The following ZNF775 variants were observed in gnomAD, a reference collection of about 807,000 sequenced individuals.
ZNF775 encodes zinc finger protein 775.
Under a neutral mutation model 2.4 loss-of-function variants are expected in ZNF775, and 1 was observed. The ratio of observed to expected loss-of-function variants is 0.41; its 90% CI spans 0.15 to 1.94. The LOEUF is 1.94. Among genes scored for constraint, ZNF775 ranks in the 30% most tolerant of loss-of-function variants. ZNF775 has a pLI of 0.30. For missense variants in ZNF775, 823 were observed against 826.6 expected, an observed-to-expected ratio of 1.00 and a Z score of 0.05; for synonymous variants, 381 against 373.3, an observed-to-expected ratio of 1.02 and a Z score of -0.24.
chr7:150,382,773 C>G lies in ZNF775; in HGVS notation c.-50+3381C>G, dbSNP rs1585083190. 1 of 152,636 alleles carries G rather than the reference C, an allele frequency of 6.6e-6. No homozygotes were observed. Among genetic ancestry groups the G allele is most frequent in the Non-Finnish European group, 1.5e-5 (1 of 68,240 alleles). 9.5% of individuals were successfully genotyped at this position (152,636 alleles called of 1,614,324 possible). A position where few individuals can be genotyped will look rare whatever the true frequency, so the allele number is the denominator to read the frequency against. ...CTCCTGCTGACTTATCCCACCCCAG[C>G]GCAGGTCATCCAACGGTGACTTATG... is the stretch of plus-strand genomic sequence containing the variant. On this transcript the variant is annotated intron_variant, in intron 1 of 2. Transcript: ENST00000329630. The surrounding 1 kb of genome is among the most constrained non-coding windows in gnomAD (Gnocchi z 4.6).
rs891542443 is a variant in ZNF775, at chr7:150,384,284, C to T, written c.-49-4138C>T. 2.0e-5 allele frequency among the ~76,000 whole-genome samples: 3 copies of T among 152,220 alleles called. No homozygotes were observed. The highest frequency in any genetic ancestry group is 7.2e-5 in the African/African-American group (3 of 41,448). On this transcript the variant is annotated intron_variant, in intron 1 of 2. Coordinates refer to ENST00000329630, the MANE Select transcript of ZNF775 (RefSeq NM_173680.4). The surrounding 1 kb of genome is among the most constrained non-coding windows in gnomAD (Gnocchi z 4.1). Reference sequence around the variant, plus strand: ...CGATAGACAAAGCGGCCTTCCAAGACTTGGTGTGGGCACTGGTGGGAGATG... The same window carrying T: ...CGATAGACAAAGCGGCCTTCCAAGATTTGGTGTGGGCACTGGTGGGAGATG...
Position 150,379,489 on chromosome 7 carries a change from C to T in ZNF775, c.-50+97C>T, listed in dbSNP as rs927944131. 3 of 152,254 alleles carry T rather than the reference C, an allele frequency of 2.0e-5. 1 individual carries two copies. Among genetic ancestry groups the T allele is most frequent in the South Asian group, 4.1e-4 (2 of 4,824 alleles). The allele number at this position is 152,254 out of a possible 1,614,324, so 9.4% of individuals were successfully genotyped here. A position where few individuals can be genotyped will look rare whatever the true frequency, so the allele number is the denominator to read the frequency against. On this transcript the variant is annotated intron_variant, in intron 1 of 2. Transcript: ENST00000329630. The stretch of plus-strand genomic sequence containing the variant: ...GACCAGCGCCCGGCCCCGCTCCTCC[C>T]GTGCTGCCTCCGCCCGGCCCGGGCT...
chr7:150,397,503 A>C lies in ZNF775; in HGVS notation c.1022A>C (p.His341Pro), dbSNP rs1467638506. The C allele has an allele frequency of 1.5e-5, 24 of 1,576,016 alleles. No homozygotes were observed. Among genetic ancestry groups the C allele is most frequent in the Non-Finnish European group, 2.1e-5 (24 of 1,168,334 alleles). ...HTGERPHPCP[H>P]CGRGFRQKQH... ...GGCGAGCGCCCGCACCCCTGCCCGC[A>C]CTGTGGCCGCGGCTTCCGCCAGAAG... The change falls in exon 3 of 3, where the codon CAC (histidine) becomes CCC (proline). Residue 341 changes from histidine to proline, a missense_variant. Transcript: ENST00000329630.
In ZNF775 at chr7:150,397,150, C is replaced by T. The variant is rs1219398356; in HGVS notation, c.669C>T (p.Gly223=). ...HARDRQGSRA[G]LHELIQDAAA... Reference sequence around the variant, plus strand: ...GGGACCGCCAGGGCTCCCGCGCCGGCCTGCACGAGCTGATTCAGGACGCGG... The same window carrying T: ...GGGACCGCCAGGGCTCCCGCGCCGGTCTGCACGAGCTGATTCAGGACGCGG... Residue 223 remains glycine, a synonymous_variant, in exon 3 of 3, where the codon GGC becomes GGT. Coordinates refer to ENST00000329630, the MANE Select transcript of ZNF775 (RefSeq NM_173680.4). 1.4e-6 allele frequency: 2 copies of T among 1,468,828 alleles called. No homozygotes were observed. The highest frequency in any genetic ancestry group is 1.8e-6 in the Non-Finnish European group (2 of 1,120,998). The allele number at this position is 1,468,828 out of a possible 1,614,324, so 91.0% of individuals were successfully genotyped here. A position where few individuals can be genotyped will look rare whatever the true frequency, so the allele number is the denominator to read the frequency against.
rs1476544799 is a variant in ZNF775, at chr7:150,384,886, T to G, written c.-49-3536T>G. Among the ~76,000 whole-genome samples the G allele has an allele frequency of 6.6e-6, 1 of 152,168 alleles. No homozygotes were observed. The highest frequency in any genetic ancestry group is 1.9e-4 in the East Asian group (1 of 5,192). On this transcript the variant is annotated intron_variant, in intron 1 of 2. Coordinates refer to ENST00000329630, the MANE Select transcript of ZNF775 (RefSeq NM_173680.4). The surrounding 1 kb of genome is among the most constrained non-coding windows in gnomAD (Gnocchi z 4.1). ...GGAGGCAGGGTGGGTGAAGTAGGAC[T>G]GTCTTTGATTTGCCTTGGGGGTCTC...
rs116920928 is a variant in ZNF775, at chr7:150,393,351, G to A, written c.32-3162G>A. On this transcript the variant is annotated intron_variant, in intron 2 of 2. Transcript: ENST00000329630. ...ATTGTTGACTAATATTCCATCATGC[G>A]GAGTTATCCATTCACCCACTGAAGG... is the stretch of plus-strand genomic sequence containing the variant. 6.5e-3 allele frequency among the ~76,000 whole-genome samples: 988 copies of A among 152,248 alleles called. 5 individuals are homozygous for A. Among genetic ancestry groups the A allele is most frequent in the Non-Finnish European group, 0.01 (697 of 68,028 alleles).
Position 150,379,369 on chromosome 7 carries a change from T to C in ZNF775, c.-73T>C, listed in dbSNP as rs537611915. 1 of 152,262 alleles carries C rather than the reference T, an allele frequency of 6.6e-6. No individual in the cohort carries two copies. Among genetic ancestry groups the C allele is most frequent in the South Asian group, 2.1e-4 (1 of 4,828 alleles). The allele number at this position is 152,262 out of a possible 1,614,324, so 9.4% of individuals were successfully genotyped here. ...GTCGCCCTCGGGGTGGCAGTTCCCG[T>C]TAACCTTAGCCACAAAGTCAAAGGT... is the stretch of plus-strand genomic sequence containing the variant. On this transcript the variant is annotated 5_prime_UTR_variant, in exon 1 of 3. Transcript: ENST00000329630.
intron 1 of ZNF775, among the ~76,000 whole-genome samples, chr7:150,379,672 G>C (rs1156333266): frequency 6.6e-6 from 1 of 152,160 alleles, no homozygotes. Flanking sequence ...AGGTTAGGAG[G>C]GAGGCTAGTG....
Position 150,382,797 on chromosome 7 carries a change from T to C in ZNF775, c.-50+3405T>C, listed in dbSNP as rs1308394083. 1 of 152,424 alleles carries C rather than the reference T, an allele frequency of 6.6e-6. No individual in the cohort carries two copies. The highest frequency in any genetic ancestry group is 1.5e-5 in the Non-Finnish European group (1 of 68,170). The allele number at this position is 152,424 out of a possible 1,614,324, so 9.4% of individuals were successfully genotyped here. A position where few individuals can be genotyped will look rare whatever the true frequency, so the allele number is the denominator to read the frequency against. ...GCGCAGGTCATCCAACGGTGACTTA[T>C]GGCCCCGGCCTCCTGGCTCGATGAG... On this transcript the variant is annotated intron_variant, in intron 1 of 2. Coordinates refer to ENST00000329630, the MANE Select transcript of ZNF775 (RefSeq NM_173680.4). The surrounding 1 kb of genome is among the most constrained non-coding windows in gnomAD (Gnocchi z 4.6).
chr7:150,391,710 T>TC lies in ZNF775; in HGVS notation c.31+3209_31+3210insC, dbSNP rs1563259001. 2.1e-3 allele frequency among the ~76,000 whole-genome samples: 300 copies of TC among 142,392 alleles called. 1 individual carries two copies. The highest frequency in any genetic ancestry group is 7.3e-3 in the African/African-American group (282 of 38,506). The allele number at this position is 142,392 out of a possible 152,430, so 93.4% of individuals were successfully genotyped here. A position where few individuals can be genotyped will look rare whatever the true frequency, so the allele number is the denominator to read the frequency against. On this transcript the variant is annotated intron_variant, in intron 2 of 2. Coordinates refer to ENST00000329630, the MANE Select transcript of ZNF775 (RefSeq NM_173680.4). ...CCATTTCTTTTTCCTTTCTTTCTTT[T>TC]TTTTTTTTTTTTTTTTTGAGATAGA...
At position 150,384,207 on chromosome 7, in the gene ZNF775, G is replaced by A. The variant is rs901761003; in HGVS notation, c.-49-4215G>A. Among the ~76,000 whole-genome samples the A allele has an allele frequency of 5.3e-5, 8 of 152,334 alleles. No individual in the cohort carries two copies. Among genetic ancestry groups the A allele is most frequent in the South Asian group, 4.1e-4 (2 of 4,832 alleles). ...GTGTGTCCTGCTCCCCTCAGAGCCC[G>A]AGGGGCAGCAGAGAGGAAAGGTGGT... On this transcript the variant is annotated intron_variant, in intron 1 of 2. Transcript: ENST00000329630. This position sits in a 1 kb window ranked among gnomAD's most constrained non-coding sequence, Gnocchi z 4.1.
At chr7:150,393,244 T>A (rs1228853556) in intron 2 of ZNF775, among the ~76,000 whole-genome samples, 1 of 152,218 alleles carries the variant, frequency 6.6e-6, no homozygotes, top group Non-Finnish European at 1.5e-5. Context: ...GTGTGTAGCC[T>A]TTTATGTTGA....
chr7:150,395,459 C>G (rs1800631444), intron 2 of ZNF775, among the ~76,000 whole-genome samples: 1 of 152,162 alleles, frequency 6.6e-6, no homozygotes, highest in Non-Finnish European at 1.5e-5. Flanking sequence ...ATCACAAGCT[C>G]TGTAAATTCT....
rs762303555 is a variant in ZNF775, at chr7:150,397,905, C to T, written c.1424C>T (p.Pro475Leu). Residue 475 changes from proline to leucine, a missense_variant, in exon 3 of 3, where the codon CCG becomes CTG. Physicochemically the swap from Pro to Leu is moderately conservative, Grantham distance 98 (BLOSUM62 -3). Transcript: ENST00000329630. Reference sequence around the variant, plus strand: ...ATCCACACGGGTGAGCGGCCCTACCCGTGCCCCGAGTGCGGCCGCCGCTTC... The same window carrying T: ...ATCCACACGGGTGAGCGGCCCTACCTGTGCCCCGAGTGCGGCCGCCGCTTC... ...QRIHTGERPY[P>L]CPECGRRFSQ... The T allele has an allele frequency of 6.2e-6, 10 of 1,602,016 alleles. No homozygotes were observed. The highest frequency in any genetic ancestry group is 5.9e-6 in the Non-Finnish European group (7 of 1,178,424).
At position 150,392,545 on chromosome 7, in the gene ZNF775, A is replaced by ATCTCTCTC. The variant is rs56067146; in HGVS notation, c.32-3934_32-3927dup. 1.7e-3 allele frequency among the ~76,000 whole-genome samples: 228 copies of ATCTCTCTC among 136,634 alleles called. 3 individuals carry two copies. The highest frequency in any genetic ancestry group is 5.6e-3 in the African/African-American group (189 of 33,608). The allele number at this position is 136,634 out of a possible 152,430, so 89.6% of individuals were successfully genotyped here. On this transcript the variant is annotated intron_variant, in intron 2 of 2. Coordinates refer to ENST00000329630, the MANE Select transcript of ZNF775 (RefSeq NM_173680.4). ...TTTATTTTCTTTTTTTCCCAAATGG[A>ATCTCTCTC]TCTCTCTCTCTCTCTCTCTCTCTCT...
rs1800584601 is a variant in ZNF775, at chr7:150,392,897, CT to C, written c.32-3615del. Reference sequence around the variant, plus strand: ...AAATTGTGAAGAAAGTAGAGTTCCCCTATACCTTAGCTCCAGTTTCTCCTAT... The same window carrying C: ...AAATTGTGAAGAAAGTAGAGTTCCCCATACCTTAGCTCCAGTTTCTCCTAT... On this transcript the variant is annotated intron_variant, in intron 2 of 2. Transcript: ENST00000329630. Among the ~76,000 whole-genome samples, 4 of 152,264 alleles carry C rather than the reference CT, an allele frequency of 2.6e-5. 1 individual carries two copies. In the South Asian group the frequency reaches 8.3e-4, roughly 32 times the overall value.
chr7:150,392,573 CTCTCTCT>C (rs1300333521), intron 2 of ZNF775, among the ~76,000 whole-genome samples: 5 of 151,516 alleles, frequency 3.3e-5, no homozygotes, highest in Non-Finnish European at 7.4e-5. Flanking sequence ...CTCTCTCTCT[CTCTCTCT>C]CTCTCTGCAG....
In ZNF775 at chr7:150,397,089, A is replaced by T. The variant is rs1237912756; in HGVS notation, c.608A>T (p.Gln203Leu). 1 of 1,572,952 alleles carries T rather than the reference A, an allele frequency of 6.4e-7. No homozygotes were observed. Among genetic ancestry groups the T allele is most frequent in the Non-Finnish European group, 8.6e-7 (1 of 1,166,854 alleles). The change falls in exon 3 of 3, where the codon CAG becomes CTG. Residue 203 changes from glutamine (Q) to leucine (L), a missense_variant. Physicochemically the swap from Gln to Leu is moderately radical, Grantham distance 113. Coordinates refer to ENST00000329630, the MANE Select transcript of ZNF775 (RefSeq NM_173680.4). ...GAGTGCGAGCGCTGCTTCCGTCACC[A>T]GGTGGGCCTCCGCATCCACCAGCGC... The part of the protein sequence containing the change: ...CPECERCFRH[Q>L]VGLRIHQRAH...
At chr7:150,391,517 T>A (rs1331862282) in intron 2 of ZNF775, among the ~76,000 whole-genome samples, 1 of 151,938 alleles carries the variant, frequency 6.6e-6, no homozygotes, top group Non-Finnish European at 1.5e-5. Context: ...CAAAAATAAA[T>A]AAATAAATAA....
Sources: allele counts gnomAD v4.1 joint callset (sites outside exome capture counted in the v4.1 genomes callset), GRCh38; gene constraint gnomAD v4.1.1; non-coding constraint Gnocchi (gnomAD v3.1); transcripts MANE v1.5; gene names NCBI Gene and HGNC (gene_info 2026-07-23, HGNC 2026-07-21).